Variants in CFAP69 observed in about 807,000 individuals in gnomAD.
CFAP69 encodes cilia- and flagella-associated protein 69.
In CFAP69, 92 loss-of-function variants were observed where a neutral mutation model predicts 123.0. The ratio of observed to expected loss-of-function variants is 0.75; its 90% CI spans 0.63 to 0.89. The LOEUF (loss-of-function observed/expected upper bound fraction) is 0.89. CFAP69 is among the 40% of genes least tolerant of loss of function. CFAP69 has a pLI of 0.00. For missense variants in CFAP69, 1,067 were observed against 1,096.9 expected (o/e 0.97, Z 0.39); for synonymous variants, 380 against 364.3 (o/e 1.04, Z -0.49).
chr7:90,290,202 A>G (rs1458095296), intron 15 of CFAP69, among the ~76,000 whole-genome samples: 1 of 152,194 alleles, frequency 6.6e-6, no homozygotes, highest in Admixed American at 6.5e-5. Context: ...GGCTCACACA[A>G]TTATAAAGGC....
At chr7:90,314,104 A>G (rs942582009), downstream of CFAP69, among the ~76,000 whole-genome samples, 2 of 152,198 alleles carry the variant, frequency 1.3e-5, no homozygotes, top group Non-Finnish European at 2.9e-5. Flanking sequence ...CCAGTACTCA[A>G]AATTGTCAAG....
chr7:90,308,741 T>A (rs1320540697), intron 21 of CFAP69, among the ~76,000 whole-genome samples: 2 of 152,168 alleles, frequency 1.3e-5, no homozygotes, highest in Non-Finnish European at 2.9e-5. Context: ...TCAGCTCCTT[T>A]CCTGCAGGTC....
intron 15 of CFAP69, among the ~76,000 whole-genome samples, chr7:90,289,383 T>C (rs1398698710): frequency 6.6e-6 from 1 of 152,132 alleles, no homozygotes; most frequent in African/African-American, 2.4e-5. Context: ...GTAGTTTTAA[T>C]TTTCATATTC....
intron 1 of CFAP69, among the ~76,000 whole-genome samples, chr7:90,248,784 A>G (rs1261928564): frequency 6.6e-6 from 1 of 152,230 alleles, no homozygotes; most frequent in African/African-American, 2.4e-5. Context: ...TTTCGAAACA[A>G]TAAAATAGTA....
At chr7:90,282,773 T>C (rs2117078929) in intron 12 of CFAP69, 119 bp from the exon 13 acceptor site, 1 of 782,124 alleles carries the variant, frequency 1.3e-6, no homozygotes, top group East Asian at 3.4e-5. Flanking sequence ...AAAAAAAAAC[T>C]AAAGCAAATA....
chr7:90,308,209 G>A (rs1793884517), intron 21 of CFAP69, among the ~76,000 whole-genome samples: 1 of 152,134 alleles, frequency 6.6e-6, no homozygotes, highest in African/African-American at 2.4e-5. Flanking sequence ...AGGACACAAA[G>A]AGCAACTATC....
At chr7:90,305,443 A>AT (rs1793440566) in intron 19 of CFAP69, among the ~76,000 whole-genome samples, 1 of 150,242 alleles carries the variant, frequency 6.7e-6, no homozygotes, top group Admixed American at 6.6e-5. Context: ...CCCAGGCTGG[A>AT]GTACAATGGC....
At chr7:90,305,767 A>G (rs959835883) in intron 19 of CFAP69, among the ~76,000 whole-genome samples, 1 of 151,734 alleles carries the variant, frequency 6.6e-6, no homozygotes, top group Non-Finnish European at 1.5e-5. Flanking sequence ...ACTTTATATT[A>G]TGATCCAATC....
intron 1 of CFAP69, among the ~76,000 whole-genome samples, chr7:90,246,907 A>T (rs745856801): frequency 2.0e-5 from 3 of 151,972 alleles, no homozygotes; most frequent in Non-Finnish European, 4.4e-5. Context: ...ACCTGTGTAT[A>T]TGTGTGTGCA....
chr7:90,249,245 GCT>G (rs911801891), intron 1 of CFAP69, among the ~76,000 whole-genome samples: 8 of 150,802 alleles, frequency 5.3e-5, no homozygotes, highest in Non-Finnish European at 5.9e-5. Context: ...CTTCCTCTTT[GCT>G]CTCTCTCTCT....
intron 17 of CFAP69, chr7:90,300,586 AC>A: frequency 4.8e-6 from 2 of 413,276 alleles, no homozygotes; most frequent in Non-Finnish European, 6.5e-6. Context: ...AATGAGACTT[AC>A]AGTATCATAA....
intron 14 of CFAP69, among the ~76,000 whole-genome samples, chr7:90,286,706 C>CCAA (rs778195289): frequency 8.5e-5 from 13 of 152,070 alleles, no homozygotes; most frequent in Non-Finnish European, 1.5e-4. Context: ...GGTTGGTTTT[C>CCAA]CCTATTCTTT....
intron 15 of CFAP69, among the ~76,000 whole-genome samples, chr7:90,291,476 A>G (rs914688992): frequency 4.6e-5 from 7 of 152,098 alleles, no homozygotes; most frequent in African/African-American, 7.2e-5. Context: ...GCGACCTCCT[A>G]TCTCATCCTG....
At chr7:90,258,196 A>G (rs772250484) in intron 3 of CFAP69, 33 bp downstream of exon 3, 26 of 1,389,340 alleles carry the variant, frequency 1.9e-5, no homozygotes, top group Non-Finnish European at 2.4e-5. Flanking sequence ...TGTTCATTTC[A>G]TTTATTCTGA....
At chr7:90,314,743 A>C (rs542061606), downstream of CFAP69, among the ~76,000 whole-genome samples, 1 of 150,458 alleles carries the variant, frequency 6.6e-6, no homozygotes, top group African/African-American at 2.4e-5. Context: ...ATTATACTTT[A>C]AGTTTTAGGG....
chr7:90,299,781 T>C (rs1792501020), intron 16 of CFAP69, 86 bp from the exon 17 acceptor site: 1 of 1,101,418 alleles, frequency 9.1e-7, no homozygotes, highest in Admixed American at 3.1e-5. Flanking sequence ...TTAATGATAA[T>C]AGAAGTGTTT....
At chr7:90,259,155 A>G (rs1797997068) in intron 3 of CFAP69, among the ~76,000 whole-genome samples, 2 of 152,142 alleles carry the variant, frequency 1.3e-5, no homozygotes, top group Admixed American at 1.3e-4. Flanking sequence ...GCTTACACCT[A>G]TAATCCCAGC....
chr7:90,283,021 A>T lies in CFAP69; in HGVS notation c.1502A>T (p.Asp501Val). The T allele has an allele frequency of 6.3e-7, 1 of 1,579,370 alleles. No homozygotes were observed. The highest frequency in any genetic ancestry group is 8.6e-7 in the Non-Finnish European group (1 of 1,164,772). ...VYLEDETVNK[D>V]LCEKGTIQQM... ...CTTGAAGATGAGACTGTAAACAAAG[A>T]TCTTTGTGAAAAGGGAACAATTCAG... Residue 501 changes from aspartate to valine, a missense_variant, in exon 13 of 23, where the codon GAT becomes GTT. Physicochemically the swap from Asp to Val is radical, Grantham distance 152. Coordinates refer to ENST00000389297, the MANE Select transcript of CFAP69 (RefSeq NM_001039706.3).
intron 12 of CFAP69, among the ~76,000 whole-genome samples, chr7:90,281,597 A>G (rs1388081066): frequency 6.6e-6 from 1 of 152,218 alleles, no homozygotes. Flanking sequence ...TTTTCTAAAA[A>G]TCAATTGCAA....
Sources: allele counts gnomAD v4.1 joint callset (sites outside exome capture counted in the v4.1 genomes callset), GRCh38; gene constraint gnomAD v4.1.1; transcripts MANE v1.5; gene names NCBI Gene and HGNC (gene_info 2026-07-23, HGNC 2026-07-21).